Variants in LHCGR observed in about 807,000 individuals in gnomAD.
The protein encoded by LHCGR is luteinizing hormone/choriogonadotropin receptor, also known as lutropin-choriogonadotropic hormone receptor.
Under a neutral mutation model 60.7 loss-of-function variants are expected in LHCGR, and 55 were observed. That is an observed-to-expected ratio of 0.91 (90% CI 0.73 to 1.13). LHCGR has a LOEUF of 1.13. LHCGR is among the 50% of genes most tolerant of loss of function. The pLI, the probability that LHCGR is intolerant of heterozygous loss-of-function variation, is 0.00. For synonymous variants in LHCGR, 337 were observed against 316.5 expected, an observed-to-expected ratio of 1.06 and a Z score of -0.69; for missense variants, 862 against 836.0, an observed-to-expected ratio of 1.03 and a Z score of -0.38.
At chr2:48,717,031 AC>A (rs1222885177) in intron 6 of LHCGR, among the ~76,000 whole-genome samples, 2 of 152,178 alleles carry the variant, frequency 1.3e-5, no homozygotes, top group Non-Finnish European at 2.9e-5. Flanking sequence ...ATAGGATGAT[AC>A]TGTTCTCATC....
intron 6 of LHCGR, 59 bp from the exon 7 acceptor site, chr2:48,714,113 A>G (rs1668124328): frequency 7.9e-7 from 1 of 1,264,616 alleles, no homozygotes; most frequent in Non-Finnish European, 1.2e-6. Context: ...CAGTTTGGAA[A>G]CACATTTTTC....
chr2:48,694,158 T>C (rs1667001790), intron 10 of LHCGR, 66 bp downstream of exon 10: 18 of 940,146 alleles, frequency 1.9e-5, no homozygotes, highest in Non-Finnish European at 5.1e-6. Context: ...AAATAATTGA[T>C]GCTGATAATA....
intron 1 of LHCGR, among the ~76,000 whole-genome samples, chr2:48,740,615 A>AGGGT (rs1669404945): frequency 2.0e-5 from 3 of 152,084 alleles, no homozygotes; most frequent in Non-Finnish European, 4.4e-5. Flanking sequence ...ACTCCAACAG[A>AGGGT]CCTGCAGCTG....
intron 6 of LHCGR, among the ~76,000 whole-genome samples, chr2:48,717,803 G>T (rs959171048): frequency 6.7e-6 from 1 of 148,814 alleles, no homozygotes; most frequent in Non-Finnish European, 1.5e-5. Context: ...TAGCGTCATG[G>T]ACTTTTTTGC....
chr2:48,754,084 G>T (rs968317161), intron 1 of LHCGR, among the ~76,000 whole-genome samples: 3 of 152,112 alleles, frequency 2.0e-5, no homozygotes, highest in Non-Finnish European at 4.4e-5. Flanking sequence ...TGGAAGGCCT[G>T]TTGCATGGAT....
chr2:48,730,162 C>T (rs1206674879), intron 2 of LHCGR, among the ~76,000 whole-genome samples: 1 of 152,212 alleles, frequency 6.6e-6, no homozygotes, highest in Non-Finnish European at 1.5e-5. Flanking sequence ...CACAGAAAGG[C>T]AGAGCCTAAG....
chr2:48,712,422 GC>G (rs965277793), intron 7 of LHCGR, among the ~76,000 whole-genome samples: 2 of 152,072 alleles, frequency 1.3e-5, no homozygotes, highest in Non-Finnish European at 2.9e-5. Context: ...AGAGAACTGT[GC>G]CAGGAGATGA....
Position 48,721,466 on chromosome 2 carries a change from T to C in LHCGR, c.536+1990A>G, listed in dbSNP as rs187514271. The C allele has an allele frequency of 1.3e-3, 347 of 270,628 alleles. 1 individual carries two copies. The highest frequency in any genetic ancestry group is 7.1e-3 in the African/African-American group (323 of 45,622). The allele number at this position is 270,628 out of a possible 1,614,324, so 16.8% of individuals were successfully genotyped here. A position where few individuals can be genotyped will look rare whatever the true frequency, so the allele number is the denominator to read the frequency against. On this transcript the variant is annotated intron_variant, in intron 6 of 10. Transcript: ENST00000294954. ...TGCAAGTAAAGAGTATGGGTTATTT[T>C]TGAAATTATTTTTGGTTGCTGCTCT...
intron 8 of LHCGR, among the ~76,000 whole-genome samples, chr2:48,708,391 C>T (rs1255617681): frequency 1.3e-5 from 2 of 152,248 alleles, no homozygotes; most frequent in Non-Finnish European, 2.9e-5. Flanking sequence ...TTGTATCCTC[C>T]AGCTAAAATT....
At chr2:48,707,002 C>T (rs913119765) in intron 8 of LHCGR, among the ~76,000 whole-genome samples, 16 of 152,204 alleles carry the variant, frequency 1.1e-4, no homozygotes, top group African/African-American at 3.4e-4. Flanking sequence ...AGCCTTTCTG[C>T]TCTGGTTTCT....
At position 48,688,640 on chromosome 2, in the gene LHCGR, G is replaced by T. The variant is rs745516574; in HGVS notation, c.1157C>A (p.Thr386Lys). Residue 386 changes from threonine (T) to lysine (K), a missense_variant, in exon 11 of 11, where the codon ACA (threonine) becomes AAA (lysine). Transcript: ENST00000294954. This position sits in a 1 kb window ranked among gnomAD's most constrained non-coding sequence, Gnocchi z 5.2. ...GNMTVLFVLL[T>K]SRYKLTVPRF... ...AGGCACTGTAAGTTTGTAACGACTT[G>T]TCAGGAGAACAAAAAGAACAGTCAT... The T allele has an allele frequency of 2.5e-6, 4 of 1,614,172 alleles. No homozygotes were observed. In the South Asian group the frequency reaches 3.3e-5, roughly 13 times the overall value.
chr2:48,705,127 T>C (rs1007792284), intron 8 of LHCGR, among the ~76,000 whole-genome samples: 2 of 152,164 alleles, frequency 1.3e-5, no homozygotes, highest in Non-Finnish European at 2.9e-5. Context: ...ATTTTTATTT[T>C]TGCCTTCATT....
intron 1 of LHCGR, among the ~76,000 whole-genome samples, chr2:48,747,283 G>A (rs370788499): frequency 1.6e-3 from 249 of 152,062 alleles, no homozygotes; most frequent in South Asian, 7.3e-3. Context: ...GTAGAGACAA[G>A]GTTTCACCAT....
At chr2:48,746,672 C>A (rs1669722535) in intron 1 of LHCGR, among the ~76,000 whole-genome samples, 1 of 152,234 alleles carries the variant, frequency 6.6e-6, no homozygotes, top group Middle Eastern at 3.4e-3. Flanking sequence ...ATTTGTGCAA[C>A]AAGTAAATTA....
chr2:48,737,457 G>A (rs1009779810), intron 1 of LHCGR, among the ~76,000 whole-genome samples: 4 of 152,212 alleles, frequency 2.6e-5, no homozygotes, highest in Non-Finnish European at 5.9e-5. Context: ...ACACTTAACA[G>A]TGTCTTAAGA....
At chr2:48,743,051 A>T (rs1360208072) in intron 1 of LHCGR, among the ~76,000 whole-genome samples, 1 of 152,176 alleles carries the variant, frequency 6.6e-6, no homozygotes, top group African/African-American at 2.4e-5. Flanking sequence ...ACCATCAGAG[A>T]ATACTACAAA....
At chr2:48,697,588 C>T (rs1244480968) in intron 9 of LHCGR, among the ~76,000 whole-genome samples, 2 of 152,206 alleles carry the variant, frequency 1.3e-5, no homozygotes, top group African/African-American at 2.4e-5. Context: ...CTCCTATATG[C>T]AAGGTACAAA....
In LHCGR at chr2:48,688,420, G is replaced by A; in HGVS notation, c.1377C>T (p.Val459=). ...ASELSVYTLT[V]ITLERWHTIT... ...TGGTGTGCCATCTTTCTAGAGTGAT[G>A]ACGGTGAGGGTGTAGACAGAAAGTT... The change falls in exon 11 of 11, where the codon GTC becomes GTT. Residue 459 remains valine (V), a synonymous_variant. Coordinates refer to ENST00000294954, the MANE Select transcript of LHCGR (RefSeq NM_000233.4). The surrounding 1 kb of genome is among the most constrained non-coding windows in gnomAD (Gnocchi z 5.2). 2 of 1,614,176 alleles carry A rather than the reference G, an allele frequency of 1.2e-6. No individual in the cohort carries two copies. Among genetic ancestry groups the A allele is most frequent in the South Asian group, 1.1e-5 (1 of 91,076 alleles).
chr2:48,753,061 C>T (rs1670051919), intron 1 of LHCGR, among the ~76,000 whole-genome samples: 2 of 144,902 alleles, frequency 1.4e-5, no homozygotes, highest in Admixed American at 1.5e-4. Flanking sequence ...AAGATGATAC[C>T]TCCCTGGAGA....
Sources: gnomAD v4.1 joint callset for allele counts (sites outside exome capture counted in the v4.1 genomes callset) on GRCh38, gnomAD v4.1.1 for gene constraint, Gnocchi (gnomAD v3.1) non-coding constraint, MANE v1.5 for transcripts, NCBI Gene and HGNC (gene_info 2026-07-23, HGNC 2026-07-21) for gene names.